The following SBF2 variants were observed in gnomAD, a reference collection of about 807,000 sequenced individuals.
SBF2 encodes SET binding factor 2, also known as myotubularin-related protein 13.
A neutral mutation model predicts 225.2 loss-of-function variants in SBF2; 112 were observed. That is an observed-to-expected ratio of 0.50 (90% confidence interval 0.43 to 0.58). SBF2 has a LOEUF of 0.58. SBF2 is among the 20% of genes least tolerant of loss of function. The pLI is 0.00. For missense variants in SBF2, 1,996 were observed against 2,206.2 expected (o/e 0.90, Z 1.91); for synonymous variants, 763 against 773.3 (o/e 0.99, Z 0.22).
chr11:9,869,444 G>A (rs183767870), intron 17 of SBF2, among the ~76,000 whole-genome samples: 279 of 152,120 alleles, frequency 1.8e-3, no homozygotes, highest in African/African-American at 5.5e-3. Context: ...TCAGCCTCCC[G>A]AGTAGCTGGG....
intron 16 of SBF2, among the ~76,000 whole-genome samples, chr11:9,898,422 G>C (rs1475108715): frequency 6.6e-6 from 1 of 152,172 alleles, no homozygotes. Context: ...TGTAATCCCA[G>C]CACTTTAGGA....
At chr11:10,235,542 A>AC (rs1281467922) in intron 1 of SBF2, among the ~76,000 whole-genome samples, 2 of 152,008 alleles carry the variant, frequency 1.3e-5, no homozygotes, top group African/African-American at 4.8e-5. Context: ...AAAAAAAAAA[A>AC]ACCAAAAAAC....
intron 16 of SBF2, among the ~76,000 whole-genome samples, chr11:9,924,560 T>C (rs1455214641): frequency 6.6e-6 from 1 of 151,902 alleles, no homozygotes. Flanking sequence ...GCTTCCCGAG[T>C]AGCTGGGATT....
intron 2 of SBF2, among the ~76,000 whole-genome samples, chr11:10,150,109 T>C (rs139529450): frequency 1.3e-5 from 2 of 152,254 alleles, no homozygotes; most frequent in Non-Finnish European, 2.9e-5. Context: ...GCCATATCTG[T>C]ATCCTTGAAC....
At chr11:9,843,544 G>C (rs921070055) in intron 24 of SBF2, among the ~76,000 whole-genome samples, 1 of 152,174 alleles carries the variant, frequency 6.6e-6, no homozygotes, top group African/African-American at 2.4e-5. Context: ...CTAATCAGAT[G>C]GAGGTGAAGA....
intron 32 of SBF2, 104 bp from the exon 33 acceptor site, chr11:9,796,061 A>T: frequency 8.7e-7 from 1 of 1,153,462 alleles, no homozygotes; most frequent in Non-Finnish European, 1.3e-6. Flanking sequence ...CCATTCAGTC[A>T]TTCACTCAAC....
chr11:9,853,052 A>G lies in SBF2; in HGVS notation c.2537-303T>C, dbSNP rs567185788. Among the ~76,000 whole-genome samples the G allele has an allele frequency of 3.9e-5, 6 of 152,362 alleles. No individual in the cohort carries two copies. The East Asian group carries it at 1.2e-3, about 29-fold the overall frequency. On this transcript the variant is annotated intron_variant, in intron 20 of 39. Transcript: ENST00000256190. ...GGATAAAATGTGGGACAGCCATACC[A>G]TGGAAAGTTACTCAGCCATAAAAAG...
chr11:10,186,549 CA>C (rs962764813), intron 2 of SBF2, among the ~76,000 whole-genome samples: 5 of 151,572 alleles, frequency 3.3e-5, no homozygotes, highest in Non-Finnish European at 7.4e-5. Flanking sequence ...TTAAAACAAT[CA>C]AAAAAAATGT....
chr11:10,071,263 CTCTTTT>C (rs1485719265), intron 2 of SBF2, among the ~76,000 whole-genome samples: 11 of 124,958 alleles, frequency 8.8e-5, no homozygotes, highest in Admixed American at 6.0e-4. Context: ...TTCTCTCTCT[CTCTTTT>C]TTTTTTTTTT....
At chr11:10,203,402 C>A (rs545267151) in intron 1 of SBF2, among the ~76,000 whole-genome samples, 74 of 152,216 alleles carry the variant, frequency 4.9e-4, no homozygotes, top group African/African-American at 1.7e-3. Flanking sequence ...GAAAAATTAA[C>A]CCTAGATAAA....
At chr11:9,957,466 A>AT (rs1554966160) in intron 16 of SBF2, 36 of 150,100 alleles carry the variant, frequency 2.4e-4, no homozygotes, top group South Asian at 6.3e-4. Flanking sequence ...TCTTGTTTTT[A>AT]TTTTTTTTTT....
At chr11:9,992,668 T>A in intron 11 of SBF2, 125 bp from the exon 12 acceptor site, 1 of 863,346 alleles carries the variant, frequency 1.2e-6, no homozygotes, top group African/African-American at 1.7e-5. Context: ...TATGCTGTCA[T>A]AAAATATATT....
chr11:10,140,236 TG>T (rs567611813), intron 2 of SBF2, among the ~76,000 whole-genome samples: 190 of 152,252 alleles, frequency 1.2e-3, no homozygotes, highest in Non-Finnish European at 2.1e-3. Flanking sequence ...AGATACATGG[TG>T]GCTAAAGTCT....
intron 6 of SBF2, among the ~76,000 whole-genome samples, chr11:10,025,242 G>C (rs1949007755): frequency 6.6e-6 from 1 of 152,096 alleles, no homozygotes; most frequent in Non-Finnish European, 1.5e-5. Flanking sequence ...GTAGCATCAA[G>C]AATTACCTTA....
chr11:9,826,550 C>T (rs1029790568), intron 28 of SBF2, among the ~76,000 whole-genome samples: 7 of 152,010 alleles, frequency 4.6e-5, no homozygotes, highest in Non-Finnish European at 7.4e-5. Context: ...TTTCTAACCT[C>T]AGAGGATAGA....
intron 16 of SBF2, among the ~76,000 whole-genome samples, chr11:9,913,496 C>A (rs1238706897): frequency 6.6e-6 from 1 of 152,072 alleles, no homozygotes; most frequent in Non-Finnish European, 1.5e-5. Flanking sequence ...AAACATTTGA[C>A]CTCATTTAAT....
At chr11:10,267,734 T>C (rs1053673633) in intron 1 of SBF2, among the ~76,000 whole-genome samples, 5 of 152,190 alleles carry the variant, frequency 3.3e-5, no homozygotes, top group Admixed American at 3.3e-4. Context: ...GACTTTATTC[T>C]TCTACAACCA....
chr11:10,231,593 G>A (rs761767438), intron 1 of SBF2, among the ~76,000 whole-genome samples: 11 of 152,164 alleles, frequency 7.2e-5, no homozygotes, highest in Non-Finnish European at 1.0e-4. Flanking sequence ...TGTTTGCCTC[G>A]GTATCAGCAG....
At chr11:10,235,244 A>G (rs1591279316) in intron 1 of SBF2, among the ~76,000 whole-genome samples, 3 of 152,340 alleles carry the variant, frequency 2.0e-5, no homozygotes, top group South Asian at 4.1e-4. Flanking sequence ...TTAAAAGTCA[A>G]TTAATTGAGG....
Sources: gnomAD v4.1 joint callset for allele counts (sites outside exome capture counted in the v4.1 genomes callset) on GRCh38, gnomAD v4.1.1 for gene constraint, MANE v1.5 for transcripts, NCBI Gene and HGNC (gene_info 2026-07-23, HGNC 2026-07-21) for gene names.